ASIC2: variants seen among roughly 807,000 people sequenced by gnomAD.
ASIC2 encodes acid-sensing ion channel 2.
ASIC2 carries 25 observed loss-of-function variants against 57.3 expected under a neutral mutation model. The ratio of observed to expected loss-of-function variants is 0.44; its 90% CI spans 0.32 to 0.61. ASIC2 has a LOEUF of 0.61. Among genes scored for constraint, ASIC2 ranks in the 20% least tolerant of loss-of-function variants. ASIC2 has a pLI of 0.06. For synonymous variants in ASIC2, 319 were observed against 307.5 expected (o/e 1.04, Z -0.39); for missense variants, 641 against 738.1 (o/e 0.87, Z 1.52).
intron 1 of ASIC2, among the ~76,000 whole-genome samples, chr17:33,390,782 TC>T (rs1909861627): frequency 6.6e-6 from 1 of 152,222 alleles, no homozygotes; most frequent in Non-Finnish European, 1.5e-5. Context: ...GACGAGAGCC[TC>T]AGTCTCTTTG....
intron 1 of ASIC2, among the ~76,000 whole-genome samples, chr17:33,163,504 G>T (rs1412214346): frequency 6.6e-6 from 1 of 152,002 alleles, no homozygotes; most frequent in Non-Finnish European, 1.5e-5. Context: ...GCTGATGGGG[G>T]AGGGGAAGGG....
At position 34,121,193 on chromosome 17, in the gene ASIC2, A is replaced by G. The variant is rs117332650; in HGVS notation, c.555+34785T>C. ...CAGAAGAGGCAAGAAAGGATCCTCC[A>G]GCCTTGAAGGAAAAGCATGGCCTTG... On this transcript the variant is annotated intron_variant, in intron 1 of 9. Transcript: ENST00000359872. Among the ~76,000 whole-genome samples the G allele has an allele frequency of 8.4e-3, 1,272 of 152,328 alleles. 6 individuals are homozygous for G. The highest frequency in any genetic ancestry group is 0.013 in the Non-Finnish European group (861 of 68,018).
intron 1 of ASIC2, among the ~76,000 whole-genome samples, chr17:33,124,269 G>C (rs2092314523): frequency 6.6e-6 from 1 of 152,274 alleles, no homozygotes; most frequent in Non-Finnish European, 1.5e-5. Context: ...TACATTATGA[G>C]TGTTCAAAGC....
intron 1 of ASIC2, among the ~76,000 whole-genome samples, chr17:34,132,327 T>C (rs1038298941): frequency 6.6e-6 from 1 of 152,224 alleles, no homozygotes; most frequent in Non-Finnish European, 1.5e-5. Flanking sequence ...GCAAGATTTA[T>C]TGTGAAGAAC....
intron 1 of ASIC2, among the ~76,000 whole-genome samples, chr17:33,626,068 A>T (rs560456970): frequency 1.3e-5 from 2 of 152,184 alleles, no homozygotes; most frequent in African/African-American, 4.8e-5. Context: ...TGATTTTTTG[A>T]TCATTAGCAA....
At chr17:33,996,067 T>C (rs1906150003) in intron 1 of ASIC2, among the ~76,000 whole-genome samples, 2 of 152,214 alleles carry the variant, frequency 1.3e-5, no homozygotes, top group Admixed American at 6.5e-5. Flanking sequence ...AATATTTTAT[T>C]GTGGTTTTTA....
At chr17:33,110,271 A>G (rs866194197) in intron 2 of ASIC2, among the ~76,000 whole-genome samples, 39 of 152,278 alleles carry the variant, frequency 2.6e-4, no homozygotes, top group South Asian at 6.2e-4. Context: ...CTCTTTGGGG[A>G]CCAAGACTCC....
intron 1 of ASIC2, among the ~76,000 whole-genome samples, chr17:33,950,832 C>G (rs1435803912): frequency 2.0e-5 from 3 of 152,196 alleles, no homozygotes; most frequent in African/African-American, 7.2e-5. Flanking sequence ...TCCCTGTTGC[C>G]TTTTGCACTT....
At position 34,142,516 on chromosome 17, in the gene ASIC2, A is replaced by G. The variant is rs188248880; in HGVS notation, c.555+13462T>C. 3.1e-3 allele frequency among the ~76,000 whole-genome samples: 470 copies of G among 152,304 alleles called. 3 individuals are homozygous for G. The highest frequency in any genetic ancestry group is 0.011 in the African/African-American group (453 of 41,564). ...ATTTAATTCTCCCCAAATCTAATTA[A>G]ACAACATACTCAGGGTCATCAAAGT... is the stretch of plus-strand genomic sequence containing the variant. On this transcript the variant is annotated intron_variant, in intron 1 of 9. Coordinates refer to the ASIC2 transcript ENST00000359872.
At chr17:33,854,884 C>T (rs959571629) in intron 1 of ASIC2, among the ~76,000 whole-genome samples, 9 of 152,104 alleles carry the variant, frequency 5.9e-5, no homozygotes, top group South Asian at 2.1e-4. Context: ...TAAAAAAACA[C>T]GTGCTGTCTC....
At chr17:33,711,723 C>A (rs891668016) in intron 1 of ASIC2, among the ~76,000 whole-genome samples, 2 of 152,118 alleles carry the variant, frequency 1.3e-5, no homozygotes, top group Non-Finnish European at 1.5e-5. Flanking sequence ...ACCATCAGAT[C>A]TTATGAGAAC....
chr17:33,886,542 A>T (rs1914833766), intron 1 of ASIC2, among the ~76,000 whole-genome samples: 1 of 152,092 alleles, frequency 6.6e-6, no homozygotes, highest in South Asian at 2.1e-4. Flanking sequence ...TGCCCATGAG[A>T]TTACAGATTA....
chr17:33,653,477 A>G (rs1326133925), intron 1 of ASIC2, among the ~76,000 whole-genome samples: 2 of 152,236 alleles, frequency 1.3e-5, no homozygotes, highest in Admixed American at 6.5e-5. Context: ...CTCTTTCTCC[A>G]TGCAATTTAA....
intron 1 of ASIC2, among the ~76,000 whole-genome samples, chr17:33,799,403 T>TTTTCTTTCTTTCTTTCTTTCTTTC (rs1555562483): frequency 1.9e-5 from 1 of 51,310 alleles, no homozygotes; most frequent in African/African-American, 6.5e-5. Flanking sequence ...TCTTTCTTTC[T>TTTTCTTTCTTTCTTTCTTTCTTTC]TTTCTTTCTT....
At chr17:34,134,484 C>T (rs34929417) in intron 1 of ASIC2, among the ~76,000 whole-genome samples, 3,971 of 152,066 alleles carry the variant, frequency 0.026, 166 homozygotes, top group African/African-American at 0.09. Context: ...AGTAAATGCA[C>T]AATGCAGGAA....
chr17:33,932,817 T>C (rs1454278085), intron 1 of ASIC2: 1 of 148,974 alleles, frequency 6.7e-6, no homozygotes, highest in Non-Finnish European at 1.5e-5. Context: ...ACTGGAAACT[T>C]TAAAAGTGCC....
rs182091348 is a variant in ASIC2, at chr17:33,174,551, G to A, written c.709-62484C>T. 2.3e-3 allele frequency among the ~76,000 whole-genome samples: 346 copies of A among 152,194 alleles called. 5 individuals carry two copies. The highest frequency in any genetic ancestry group is 0.01 in the Middle Eastern group (3 of 294). ...TTAATAAGACTTGGTTTTGGCCTTT[G>A]CGGAGCTCACATGCACATCTTAGTG... On this transcript the variant is annotated intron_variant, in intron 1 of 9. Coordinates refer to ENST00000225823, the MANE Select transcript of ASIC2 (RefSeq NM_183377.2).
Position 33,417,129 on chromosome 17 carries a change from G to A in ASIC2, c.556-305062C>T, listed in dbSNP as rs184468114. Among the ~76,000 whole-genome samples the A allele has an allele frequency of 1.8e-3, 271 of 152,242 alleles. 1 individual carries two copies. Among genetic ancestry groups the A allele is most frequent in the South Asian group, 0.015 (73 of 4,820 alleles). The stretch of plus-strand genomic sequence containing the variant: ...CCTCTAGCTGCTGCAGACAGGCCTC[G>A]AACACACACAGACTCTAGTAGGACG... On this transcript the variant is annotated intron_variant, in intron 1 of 9. Coordinates refer to the ASIC2 transcript ENST00000359872.
intron 1 of ASIC2, among the ~76,000 whole-genome samples, chr17:34,152,480 AC>A (rs1160399256): frequency 6.6e-6 from 1 of 152,068 alleles, no homozygotes; most frequent in Non-Finnish European, 1.5e-5. Flanking sequence ...TTGGATGTAA[AC>A]CCACTGCTCC....
Sources: gnomAD v4.1 joint callset for allele counts (sites outside exome capture counted in the v4.1 genomes callset) on GRCh38, gnomAD v4.1.1 for gene constraint, MANE v1.5 for transcripts, NCBI Gene and HGNC (gene_info 2026-07-23, HGNC 2026-07-21) for gene names.